The following COL28A1 variants were observed in gnomAD, a reference collection of about 807,000 sequenced individuals.
COL28A1 encodes the protein collagen alpha-1(XXVIII) chain.
A neutral mutation model predicts 150.2 loss-of-function variants in COL28A1; 161 were observed. The ratio of observed to expected loss-of-function variants is 1.07; its 90% confidence interval spans 0.94 to 1.22. The LOEUF (loss-of-function observed/expected upper bound fraction) is 1.22, where lower values mean the gene tolerates loss of function less well. Ranked by LOEUF, COL28A1 falls within the 50% of genes most tolerant of loss-of-function variation. The pLI is 0.00. For synonymous variants in COL28A1, 552 were observed against 469.7 expected (o/e 1.18, Z -2.26); for missense variants, 1,617 against 1,388.3 (o/e 1.16, Z -2.62).
rs895673695 is a variant in COL28A1 at position 7,429,421 on chromosome 7, C to G, written c.1998+3052G>C. On this transcript the variant is annotated intron_variant, in intron 25 of 34. Transcript: ENST00000399429. Reference sequence around the variant, plus strand: ...TATGAATCTCCCTCTCTCTCTCTCTCTCTCTCACATACACACACACTCTCT... The same window carrying G: ...TATGAATCTCCCTCTCTCTCTCTCTGTCTCTCACATACACACACACTCTCT... Among the ~76,000 whole-genome samples the G allele has an allele frequency of 2.2e-5, 3 of 138,236 alleles. 1 individual carries two copies. In the South Asian group the frequency reaches 6.8e-4, roughly 31 times the overall value. The allele number at this position is 138,236 out of a possible 152,430, so 90.7% of individuals were successfully genotyped here.
intron 13 of COL28A1, among the ~76,000 whole-genome samples, chr7:7,487,644 C>G (rs1476366403): frequency 6.6e-6 from 1 of 152,048 alleles, no homozygotes; most frequent in Admixed American, 6.5e-5. Context: ...AATCATAGAC[C>G]TAAGGAGAAC....
chr7:7,346,086 T>TA, the COL28A1 span, among the ~76,000 whole-genome samples: 2 of 152,050 alleles, frequency 1.3e-5, no homozygotes, highest in African/African-American at 4.8e-5. Context: ...CTACTAAAAC[T>TA]AAAGTTTAAG....
At chr7:7,389,593 G>A (rs573066324) in intron 27 of COL28A1, among the ~76,000 whole-genome samples, 2 of 152,242 alleles carry the variant, frequency 1.3e-5, no homozygotes, top group Admixed American at 1.3e-4. Context: ...TGGGCAGTAT[G>A]ACCATTTTCA....
intron 27 of COL28A1, among the ~76,000 whole-genome samples, chr7:7,386,260 C>G (rs867754886): frequency 6.6e-6 from 1 of 152,002 alleles, no homozygotes; most frequent in African/African-American, 2.4e-5. Flanking sequence ...ATTTTTCTTT[C>G]GAAATGTTTT....
chr7:7,453,465 GC>G lies in COL28A1; in HGVS notation c.1414del (p.Ala472GlnfsTer12). The part of the protein sequence containing the change: ...PIGPPGPQGP[A>X]GQGLPGSKGE... ...CTTGGAACCAGGTAAGCCCTGTCCT[GC>G]GGGCCCTTGTGGACCAGGTGGACCA... On this transcript the variant is annotated frameshift_variant, in exon 17 of 35. Transcript: ENST00000399429. LOFTEE classifies it high-confidence loss of function. 4 of 1,303,916 alleles carry G rather than the reference GC, an allele frequency of 3.1e-6. No individual in the cohort carries two copies. Among genetic ancestry groups the G allele is most frequent in the Non-Finnish European group, 4.5e-6 (4 of 898,438 alleles). The allele number at this position is 1,303,916 out of a possible 1,614,324, so 80.8% of individuals were successfully genotyped here.
At chr7:7,483,356 A>G (rs1318309551) in intron 13 of COL28A1, among the ~76,000 whole-genome samples, 1 of 152,222 alleles carries the variant, frequency 6.6e-6, no homozygotes, top group Non-Finnish European at 1.5e-5. Flanking sequence ...ATCTGTATAT[A>G]TTCAATGAAA....
intron 15 of COL28A1, among the ~76,000 whole-genome samples, chr7:7,471,543 A>T (rs542603264): frequency 6.6e-6 from 1 of 152,362 alleles, no homozygotes; most frequent in East Asian, 1.9e-4. Flanking sequence ...GTTTCATAAC[A>T]GGGATGCAGG....
chr7:7,437,243 G>A (rs762732958), intron 22 of COL28A1, 151 bp downstream of exon 22: 4 of 1,297,398 alleles, frequency 3.1e-6, no homozygotes, highest in Non-Finnish European at 4.0e-6. Context: ...GCTGCTGGCT[G>A]TAGTTTGCTT....
rs116799534 is a variant in COL28A1, at chr7:7,363,730, C to T, written c.3067-3202G>A. On this transcript the variant is annotated intron_variant, in intron 33 of 34. Transcript: ENST00000399429. ...TACTGTATGTTCAGTTTTCTATGCT[C>T]TATGCTATTTTAAAAAATATACTAT... Among the ~76,000 whole-genome samples, 747 of 152,016 alleles carry T rather than the reference C, an allele frequency of 4.9e-3. 5 individuals are homozygous for T. The highest frequency in any genetic ancestry group is 0.017 in the African/African-American group (718 of 41,424).
chr7:7,515,048 G>C (rs1170451232), intron 8 of COL28A1, among the ~76,000 whole-genome samples: 2 of 152,166 alleles, frequency 1.3e-5, no homozygotes, highest in African/African-American at 4.8e-5. Flanking sequence ...AGGAGACTCA[G>C]AGCTGGACCC....
chr7:7,436,993 G>A (rs923177111), intron 22 of COL28A1, among the ~76,000 whole-genome samples: 1 of 152,154 alleles, frequency 6.6e-6, no homozygotes, highest in Non-Finnish European at 1.5e-5. Context: ...AGACAAGATC[G>A]CAGCACTGCA....
intron 25 of COL28A1, among the ~76,000 whole-genome samples, chr7:7,425,579 G>C (rs757156583): frequency 3.3e-5 from 5 of 152,132 alleles, no homozygotes; most frequent in Non-Finnish European, 7.3e-5. Flanking sequence ...CTTCATTCCA[G>C]ATCTCCTACC....
chr7:7,346,287 T>G, the COL28A1 span, among the ~76,000 whole-genome samples: 1 of 152,014 alleles, frequency 6.6e-6, no homozygotes, highest in Non-Finnish European at 1.5e-5. Context: ...AAGAAATTAG[T>G]TGTTTTCAGC....
chr7:7,418,470 C>T (rs1583326274), intron 26 of COL28A1, among the ~76,000 whole-genome samples: 1 of 152,294 alleles, frequency 6.6e-6, no homozygotes, highest in East Asian at 1.9e-4. Flanking sequence ...TCTTTGGAAA[C>T]ACTTCGTGGT....
intron 13 of COL28A1, among the ~76,000 whole-genome samples, chr7:7,487,695 G>T (rs549476933): frequency 6.6e-6 from 1 of 152,070 alleles, no homozygotes; most frequent in South Asian, 2.1e-4. Flanking sequence ...TTGAGACTTC[G>T]CTAAATTAAA....
chr7:7,401,349 G>T (rs1484650347), intron 27 of COL28A1, among the ~76,000 whole-genome samples: 4 of 151,828 alleles, frequency 2.6e-5, no homozygotes, highest in Non-Finnish European at 5.9e-5. Context: ...TCTATAAATT[G>T]TTAAATAAAA....
chr7:7,427,482 G>T (rs577563379), intron 25 of COL28A1, among the ~76,000 whole-genome samples: 2 of 152,288 alleles, frequency 1.3e-5, no homozygotes, highest in East Asian at 3.9e-4. Context: ...TCCAGTCTAT[G>T]TCTGCCAATG....
chr7:7,363,705 T>C (rs550757049), intron 33 of COL28A1, among the ~76,000 whole-genome samples: 10 of 152,168 alleles, frequency 6.6e-5, no homozygotes, highest in Non-Finnish European at 1.5e-4. Flanking sequence ...TACAAAAAAA[T>C]ACTGTATGTT....
intron 15 of COL28A1, among the ~76,000 whole-genome samples, chr7:7,465,627 T>A (rs1388925801): frequency 8.0e-6 from 1 of 125,110 alleles, no homozygotes; most frequent in Non-Finnish European, 1.7e-5. Context: ...CCTGCCTGCC[T>A]CTGTAGGCTC....
Sources: gnomAD v4.1 joint callset for allele counts (sites outside exome capture counted in the v4.1 genomes callset) on GRCh38, gnomAD v4.1.1 for gene constraint, MANE v1.5 for transcripts, NCBI Gene and HGNC (gene_info 2026-07-23, HGNC 2026-07-21) for gene names.